Variants in ANKRD29 observed in about 807,000 individuals in gnomAD.
ANKRD29 encodes the protein ankyrin repeat domain-containing protein 29.
ANKRD29 carries 32 observed loss-of-function variants against 38.0 expected under a neutral mutation model. The ratio of observed to expected loss-of-function variants is 0.84; its 90% CI spans 0.64 to 1.13. ANKRD29 has a LOEUF of 1.13. ANKRD29 is among the 50% of genes most tolerant of loss of function. The probability of loss-of-function intolerance (pLI) is 0.00; values close to 1 mark genes in which losing one functional copy is unlikely to be tolerated. For missense variants in ANKRD29, 357 were observed against 377.9 expected, an observed-to-expected ratio of 0.94 and a Z score of 0.46; for synonymous variants, 135 against 152.4, an observed-to-expected ratio of 0.89 and a Z score of 0.84.
intron 1 of ANKRD29, among the ~76,000 whole-genome samples, chr18:23,660,677 G>A (rs192569587): frequency 2.6e-5 from 4 of 152,216 alleles, no homozygotes; most frequent in Non-Finnish European, 5.9e-5. Flanking sequence ...CTTGGTGTCA[G>A]GCACCTGTAA....
intron 8 of ANKRD29, among the ~76,000 whole-genome samples, chr18:23,617,274 C>T (rs2059736050): frequency 6.6e-6 from 1 of 152,072 alleles, no homozygotes; most frequent in African/African-American, 2.4e-5. Context: ...AGTTTTGGCT[C>T]TGTTTTTTAG....
At chr18:23,629,505 T>G (rs1460087600) in intron 6 of ANKRD29, among the ~76,000 whole-genome samples, 1 of 152,220 alleles carries the variant, frequency 6.6e-6, no homozygotes, top group Non-Finnish European at 1.5e-5. Context: ...CCACATCTGT[T>G]TACCTATGTC....
intron 4 of ANKRD29, among the ~76,000 whole-genome samples, chr18:23,636,780 C>A (rs2060008702): frequency 6.6e-6 from 1 of 152,036 alleles, no homozygotes; most frequent in Non-Finnish European, 1.5e-5. Context: ...CGCCATATTG[C>A]CCAGGCTGGT....
chr18:23,600,576 AT>A lies in ANKRD29; in HGVS notation c.*649del, dbSNP rs1361777517. ...TTTACATGTCAGGAATAAGATGAGG[AT>A]CAACGAACAAATGCACAGTCTGTCT... is the stretch of plus-strand genomic sequence containing the variant. On this transcript the variant is annotated 3_prime_UTR_variant, in exon 10 of 10. Transcript: ENST00000592179. 1 of 152,676 alleles carries A rather than the reference AT, an allele frequency of 6.5e-6. No individual in the cohort carries two copies. Among genetic ancestry groups the A allele is most frequent in the Non-Finnish European group, 1.5e-5 (1 of 68,040 alleles). The allele number at this position is 152,676 out of a possible 1,614,324, so 9.5% of individuals were successfully genotyped here. A position where few individuals can be genotyped will look rare whatever the true frequency, so the allele number is the denominator to read the frequency against.
At chr18:23,656,384 C>T (rs767615690) in intron 1 of ANKRD29, among the ~76,000 whole-genome samples, 6 of 152,102 alleles carry the variant, frequency 3.9e-5, no homozygotes, top group Non-Finnish European at 8.8e-5. Flanking sequence ...AAACCAGGGC[C>T]TTTTTACACG....
At chr18:23,638,012 T>C (rs2145704521) in intron 4 of ANKRD29, among the ~76,000 whole-genome samples, 1 of 147,716 alleles carries the variant, frequency 6.8e-6, no homozygotes, top group South Asian at 2.2e-4. Flanking sequence ...TTTTTTTTTT[T>C]TTTGAGACAG....
intron 6 of ANKRD29, among the ~76,000 whole-genome samples, chr18:23,623,555 C>T (rs571719002): frequency 7.9e-5 from 12 of 151,642 alleles, no homozygotes; most frequent in African/African-American, 2.9e-4. Context: ...GGGGCCAAGG[C>T]GGGAGGATGG....
At position 23,659,972 on chromosome 18, in the gene ANKRD29, G is replaced by A. The variant is rs187572563; in HGVS notation, c.21+2738C>T. ...CTAAAAATGCAAAAATTAGCCGGGCGTGGTGGCACATGCCTGTAATCCCAG... is the reference window on the plus strand; with the variant it reads ...CTAAAAATGCAAAAATTAGCCGGGCATGGTGGCACATGCCTGTAATCCCAG... On this transcript the variant is annotated intron_variant, in intron 1 of 9. Coordinates refer to ENST00000592179, the MANE Select transcript of ANKRD29 (RefSeq NM_173505.4). Among the ~76,000 whole-genome samples, 391 of 150,878 alleles carry A rather than the reference G, an allele frequency of 2.6e-3. 4 individuals are homozygous for A. Among genetic ancestry groups the A allele is most frequent in the Non-Finnish European group, 1.6e-3 (105 of 67,642 alleles).
Position 23,634,138 on chromosome 18 carries a change from G to T in ANKRD29, c.342C>A (p.Thr114=). The T allele has an allele frequency of 6.2e-7, 1 of 1,614,086 alleles. No homozygotes were observed. Among genetic ancestry groups the T allele is most frequent in the African/African-American group, 1.3e-5 (1 of 74,988 alleles). The stretch of plus-strand genomic sequence containing the variant: ...CGTACTGACTGGCAGCCAACAGGGC[G>T]GTGCCCCCGTCCTATGGACATGCAA... ...STEFRTKDGG[T]ALLAASQYGH... The change falls in exon 5 of 10, where the codon ACC becomes ACA. Residue 114 remains threonine, a synonymous_variant. Transcript: ENST00000592179.
chr18:23,601,743 C>T (rs1370757294), intron 9 of ANKRD29, among the ~76,000 whole-genome samples: 1 of 151,970 alleles, frequency 6.6e-6, no homozygotes, highest in Non-Finnish European at 1.5e-5. Context: ...AATCATGGCT[C>T]ACTGCAGCGT....
intron 8 of ANKRD29, among the ~76,000 whole-genome samples, chr18:23,616,555 T>TATAA (rs1555651197): frequency 7.1e-6 from 1 of 140,224 alleles, no homozygotes; most frequent in Admixed American, 7.3e-5. Context: ...ATATAGTATA[T>TATAA]ATATATATAC....
Position 23,649,104 on chromosome 18 carries a change from C to T in ANKRD29, c.111G>A (p.Val37=). The T allele has an allele frequency of 6.2e-7, 1 of 1,614,166 alleles. No homozygotes were observed. Among genetic ancestry groups the T allele is most frequent in the Non-Finnish European group, 8.5e-7 (1 of 1,179,986 alleles). ...LLKLLLNSGR[V]DVDCRDSHGT... is the part of the protein sequence containing the mutation. ...GTACGCTGTCTCTGCAGTCCACGTC[C>T]ACCCGGCCGCTGTTCAACAGCAGCT... Residue 37 remains valine (V), a synonymous_variant, in exon 2 of 10, where the codon GTG becomes GTA. Coordinates refer to ENST00000592179, the MANE Select transcript of ANKRD29 (RefSeq NM_173505.4).
At chr18:23,638,747 T>C in intron 4 of ANKRD29, 102 bp downstream of exon 4, 1 of 958,568 alleles carries the variant, frequency 1.0e-6, no homozygotes, top group Non-Finnish European at 1.5e-6. Flanking sequence ...GAGAATCTTG[T>C]AAAAAGGGAA....
intron 6 of ANKRD29, among the ~76,000 whole-genome samples, chr18:23,625,748 A>C (rs2059854396): frequency 6.6e-6 from 1 of 152,336 alleles, no homozygotes; most frequent in South Asian, 2.1e-4. Flanking sequence ...CTAAGGTCAC[A>C]CAGTTAATAA....
chr18:23,652,617 C>T (rs756085182), intron 1 of ANKRD29, among the ~76,000 whole-genome samples: 1 of 152,134 alleles, frequency 6.6e-6, no homozygotes, highest in Non-Finnish European at 1.5e-5. Flanking sequence ...AATGGTGTGG[C>T]GAGAGATGGG....
At chr18:23,635,738 A>G (rs575924493) in intron 4 of ANKRD29, among the ~76,000 whole-genome samples, 1 of 152,270 alleles carries the variant, frequency 6.6e-6, no homozygotes, top group South Asian at 2.1e-4. Context: ...ATGCCTTTTG[A>G]CCAGTCATGT....
At chr18:23,624,337 C>G (rs2059832974) in intron 6 of ANKRD29, among the ~76,000 whole-genome samples, 1 of 151,548 alleles carries the variant, frequency 6.6e-6, no homozygotes, top group Middle Eastern at 3.2e-3. Flanking sequence ...TGTGGTGGTG[C>G]ATGCCTGTAG....
chr18:23,630,826 C>T (rs560824117), intron 5 of ANKRD29, among the ~76,000 whole-genome samples: 5 of 146,534 alleles, frequency 3.4e-5, no homozygotes, highest in African/African-American at 5.0e-5. Context: ...ATTAGCTGGG[C>T]GAGGTGGCAT....
In ANKRD29 at chr18:23,600,765, A is replaced by G. The variant is rs2059501408; in HGVS notation, c.*461T>C. 6.5e-6 allele frequency: 1 copy of G among 154,236 alleles called. No individual in the cohort carries two copies. Among genetic ancestry groups the G allele is most frequent in the Non-Finnish European group, 1.4e-5 (1 of 68,982 alleles). The allele number at this position is 154,236 out of a possible 1,614,324, so 9.6% of individuals were successfully genotyped here. A position where few individuals can be genotyped will look rare whatever the true frequency, so the allele number is the denominator to read the frequency against. The stretch of plus-strand genomic sequence containing the variant: ...CTGGAATGACATACATATGTAGGTA[A>G]AATATGATAGATCTATATATTTTAG... On this transcript the variant is annotated 3_prime_UTR_variant, in exon 10 of 10. Coordinates refer to ENST00000592179, the MANE Select transcript of ANKRD29 (RefSeq NM_173505.4).
Sources: gnomAD v4.1 joint callset for allele counts (sites outside exome capture counted in the v4.1 genomes callset) on GRCh38, gnomAD v4.1.1 for gene constraint, MANE v1.5 for transcripts, NCBI Gene and HGNC (gene_info 2026-07-23, HGNC 2026-07-21) for gene names.